FILIP1L: variants seen among roughly 807,000 people sequenced by gnomAD.
FILIP1L encodes the protein filamin A interacting protein 1 like, also known as filamin A-interacting protein 1-like.
FILIP1L carries 55 observed loss-of-function variants against 96.6 expected under a neutral mutation model. The observed-to-expected ratio is 0.57, with a 90% confidence interval of 0.46 to 0.71. The LOEUF (loss-of-function observed/expected upper bound fraction) is 0.71, where lower values mean the gene tolerates loss of function less well. Ranked by LOEUF, FILIP1L falls within the 30% of genes least tolerant of loss-of-function variation. FILIP1L has a pLI of 0.00. For missense variants in FILIP1L, 1,304 were observed against 1,321.2 expected (o/e 0.99, Z 0.20); for synonymous variants, 467 against 473.9 (o/e 0.99, Z 0.19).
intron 4 of FILIP1L, among the ~76,000 whole-genome samples, chr3:99,853,834 C>T (rs761939945): frequency 9.2e-5 from 14 of 152,116 alleles, no homozygotes; most frequent in East Asian, 1.9e-4. Context: ...TAAAGCCTGT[C>T]GGGAAGGTAA....
chr3:99,985,344 C>T (rs1709306699), intron 1 of FILIP1L, among the ~76,000 whole-genome samples: 1 of 151,980 alleles, frequency 6.6e-6, no homozygotes, highest in South Asian at 2.1e-4. Context: ...CCAGCCCGAA[C>T]AACATGGCGA....
intron 4 of FILIP1L, among the ~76,000 whole-genome samples, chr3:99,858,997 G>A (rs753167370): frequency 3.9e-5 from 6 of 152,170 alleles, no homozygotes; most frequent in South Asian, 2.1e-4. Context: ...CTTGCTAACC[G>A]TCAAACATAG....
chr3:99,930,774 G>C lies in FILIP1L; in HGVS notation c.247C>G (p.Leu83Val). The change falls in exon 2 of 6, where the codon CTG (leucine) becomes GTG (valine). Residue 83 changes from leucine to valine, a missense_variant. Leu to Val is a conservative substitution (Grantham distance 32, BLOSUM62 1). Coordinates refer to ENST00000477258, the MANE Select transcript of FILIP1L (RefSeq NM_001387850.1). ...LFLLSILEGE[L>V]QARDEVIGIL... Reference sequence around the variant, plus strand: ...ATAACTCCAACCCAGCTGACCTGCAGTTCTCCCTCCAGAATGCTGAGGAGA... The same window carrying C: ...ATAACTCCAACCCAGCTGACCTGCACTTCTCCCTCCAGAATGCTGAGGAGA... The C allele has an allele frequency of 3.1e-6, 5 of 1,613,320 alleles. No homozygotes were observed. Among genetic ancestry groups the C allele is most frequent in the Non-Finnish European group, 4.2e-6 (5 of 1,179,778 alleles).
intron 4 of FILIP1L, among the ~76,000 whole-genome samples, chr3:99,911,564 C>T (rs1339420127): frequency 6.6e-6 from 1 of 152,012 alleles, no homozygotes; most frequent in Non-Finnish European, 1.5e-5. Context: ...TACTCATCCT[C>T]ACCCGAGGCT....
intron 1 of FILIP1L, among the ~76,000 whole-genome samples, chr3:100,044,973 A>G (rs1307246589): frequency 6.6e-6 from 1 of 152,342 alleles, no homozygotes; most frequent in South Asian, 2.1e-4. Flanking sequence ...AGTTAAGAAC[A>G]TTTAGAGGAG....
At chr3:100,108,161 A>T (rs1055403790) in intron 1 of FILIP1L, among the ~76,000 whole-genome samples, 1 of 152,136 alleles carries the variant, frequency 6.6e-6, no homozygotes, top group African/African-American at 2.4e-5. Flanking sequence ...TTTCTAGCCC[A>T]TGGCTTCTTA....
At chr3:99,914,046 C>T (rs889715659) in intron 4 of FILIP1L, among the ~76,000 whole-genome samples, 1 of 152,192 alleles carries the variant, frequency 6.6e-6, no homozygotes, top group Non-Finnish European at 1.5e-5. Flanking sequence ...CTCAAACACT[C>T]CAAACTAACT....
At chr3:99,871,460 A>G (rs1944782512) in intron 4 of FILIP1L, among the ~76,000 whole-genome samples, 1 of 152,198 alleles carries the variant, frequency 6.6e-6, no homozygotes, top group Admixed American at 6.5e-5. Context: ...CTGACCCTGA[A>G]GGAGTTTATA....
chr3:100,074,164 A>G (rs2065808836), intron 1 of FILIP1L, among the ~76,000 whole-genome samples: 1 of 152,216 alleles, frequency 6.6e-6, no homozygotes, highest in Non-Finnish European at 1.5e-5. Flanking sequence ...TTGTCATTAA[A>G]GAAGAATCCC....
intron 4 of FILIP1L, among the ~76,000 whole-genome samples, chr3:99,902,744 G>C (rs1308758931): frequency 6.6e-6 from 1 of 152,166 alleles, no homozygotes; most frequent in Non-Finnish European, 1.5e-5. Flanking sequence ...TCCATGTTAT[G>C]CTTTCTACTA....
At chr3:100,092,987 A>G (rs1488755152) in intron 1 of FILIP1L, among the ~76,000 whole-genome samples, 2 of 152,042 alleles carry the variant, frequency 1.3e-5, no homozygotes, top group Non-Finnish European at 2.9e-5. Context: ...GCCTGATGCT[A>G]AAGGTTCCAT....
rs1468316087 is a variant in FILIP1L at position 99,849,591 on chromosome 3, G to A, written c.2085C>T (p.Thr695=). Residue 695 remains threonine (T), a synonymous_variant, in exon 5 of 6, where the codon ACC becomes ACT. Coordinates refer to ENST00000477258, the MANE Select transcript of FILIP1L (RefSeq NM_001387850.1). ...AKYKLAEKTE[T]SHEQWLFKRL... is the part of the protein sequence containing the mutation. ...TTTTGAAAAGCCATTGTTCATGGCT[G>A]GTCTCTGTCTTTTCTGCTAACTTGT... 5 of 1,613,464 alleles carry A rather than the reference G, an allele frequency of 3.1e-6. No homozygotes were observed. Among genetic ancestry groups the A allele is most frequent in the Non-Finnish European group, 4.2e-6 (5 of 1,179,952 alleles).
At chr3:99,852,136 C>A (rs777282187) in intron 4 of FILIP1L, among the ~76,000 whole-genome samples, 5 of 152,122 alleles carry the variant, frequency 3.3e-5, no homozygotes, top group Non-Finnish European at 5.9e-5. Flanking sequence ...GTAGTGAGGT[C>A]AAAGTTTTAA....
intron 1 of FILIP1L, among the ~76,000 whole-genome samples, chr3:100,030,089 C>A (rs2064997873): frequency 6.6e-6 from 1 of 152,112 alleles, no homozygotes; most frequent in South Asian, 2.1e-4. Context: ...CCTTGTTTTA[C>A]AGATAAGGAA....
At chr3:99,841,972 C>G (rs893810168) in intron 5 of FILIP1L, among the ~76,000 whole-genome samples, 1 of 152,140 alleles carries the variant, frequency 6.6e-6, no homozygotes, top group African/African-American at 2.4e-5. Context: ...CCAGCAGTCC[C>G]ACTCCTGGGT....
chr3:99,926,286 C>T (rs961440322), intron 3 of FILIP1L, among the ~76,000 whole-genome samples: 1 of 152,312 alleles, frequency 6.6e-6, no homozygotes, highest in South Asian at 2.1e-4. Context: ...TCACAAAATA[C>T]TTCATTATGC....
intron 4 of FILIP1L, among the ~76,000 whole-genome samples, chr3:99,852,047 TTTC>T (rs1943722811): frequency 6.6e-6 from 1 of 152,220 alleles, no homozygotes; most frequent in South Asian, 2.1e-4. Context: ...GACATGCTAT[TTTC>T]TTCTTTTATG....
At chr3:99,892,741 G>GGCTT (rs773676264) in intron 4 of FILIP1L, among the ~76,000 whole-genome samples, 62 of 152,196 alleles carry the variant, frequency 4.1e-4, no homozygotes, top group South Asian at 8.3e-4. Context: ...CACCCTCAAA[G>GGCTT]GCTTGCCCTT....
chr3:99,877,764 A>AT (rs376192917), intron 4 of FILIP1L, among the ~76,000 whole-genome samples: 1 of 152,056 alleles, frequency 6.6e-6, no homozygotes, highest in Non-Finnish European at 1.5e-5. Flanking sequence ...TTTATGCTGC[A>AT]TTTTTTATTA....
Sources: gnomAD v4.1 joint callset for allele counts (sites outside exome capture counted in the v4.1 genomes callset) on GRCh38, gnomAD v4.1.1 for gene constraint, MANE v1.5 for transcripts, NCBI Gene and HGNC (gene_info 2026-07-23, HGNC 2026-07-21) for gene names.